Variants in CTNNA3 observed in about 807,000 individuals in gnomAD.
CTNNA3 encodes the protein catenin alpha-3.
CTNNA3 carries 76 observed loss-of-function variants against 95.7 expected under a neutral mutation model. The ratio of observed to expected loss-of-function variants is 0.79; its 90% CI spans 0.66 to 0.96. CTNNA3 has a LOEUF of 0.96. Ranked by LOEUF, CTNNA3 falls within the 40% of genes least tolerant of loss-of-function variation. The pLI, the probability that CTNNA3 is intolerant of heterozygous loss-of-function variation, is 0.00. For synonymous variants in CTNNA3, 431 were observed against 374.4 expected (o/e 1.15, Z -1.74); for missense variants, 1,191 against 1,089.8 (o/e 1.09, Z -1.31).
chr10:67,326,949 T>C (rs998837813), intron 5 of CTNNA3, among the ~76,000 whole-genome samples: 2 of 152,228 alleles, frequency 1.3e-5, no homozygotes, highest in African/African-American at 4.8e-5. Context: ...TATTCTTGTC[T>C]GAATGTCTTA....
intron 11 of CTNNA3, among the ~76,000 whole-genome samples, chr10:66,480,529 T>C (rs1399434699): frequency 6.6e-6 from 1 of 152,180 alleles, no homozygotes; most frequent in East Asian, 1.9e-4. Context: ...AACAGAAACT[T>C]AGCCTCTGTG....
At chr10:67,462,160 T>C (rs1847402396) in intron 5 of CTNNA3, among the ~76,000 whole-genome samples, 2 of 152,128 alleles carry the variant, frequency 1.3e-5, no homozygotes, top group African/African-American at 4.8e-5. Context: ...TTCTAGCAGG[T>C]GTTATAAGCA....
intron 1 of CTNNA3, among the ~76,000 whole-genome samples, chr10:67,673,712 C>T (rs1455594329): frequency 6.7e-6 from 1 of 148,522 alleles, no homozygotes; most frequent in African/African-American, 2.5e-5. Flanking sequence ...GGATGAAGCC[C>T]ACTTGATCAA....
intron 3 of CTNNA3, among the ~76,000 whole-genome samples, chr10:67,567,727 C>T (rs892098021): frequency 6.6e-6 from 1 of 152,030 alleles, no homozygotes; most frequent in Admixed American, 6.6e-5. Context: ...TGTATGTTTA[C>T]TGGGAGAGGT....
intron 5 of CTNNA3, among the ~76,000 whole-genome samples, chr10:67,422,273 C>G (rs1486396768): frequency 1.3e-5 from 2 of 151,984 alleles, no homozygotes; most frequent in African/African-American, 4.8e-5. Context: ...TGAGATTATT[C>G]AACACAGTGT....
intron 1 of CTNNA3, among the ~76,000 whole-genome samples, chr10:67,719,760 G>A (rs960908344): frequency 2.6e-5 from 4 of 152,084 alleles, no homozygotes; most frequent in Non-Finnish European, 5.9e-5. Context: ...GTGGTGCTGA[G>A]AAGAATGTAT....
intron 1 of CTNNA3, among the ~76,000 whole-genome samples, chr10:67,737,353 C>T (rs1011589855): frequency 1.3e-4 from 20 of 151,758 alleles, no homozygotes; most frequent in African/African-American, 4.8e-4. Context: ...AAAAGCAGTA[C>T]TAAGGGAGAA....
At chr10:65,976,879 T>A (rs2078217095) in intron 16 of CTNNA3, among the ~76,000 whole-genome samples, 1 of 152,204 alleles carries the variant, frequency 6.6e-6, no homozygotes, top group African/African-American at 2.4e-5. Context: ...TAATTCCTTA[T>A]CAGATCTATG....
At chr10:67,426,796 A>G (rs111482171) in intron 5 of CTNNA3, among the ~76,000 whole-genome samples, 27 of 152,048 alleles carry the variant, frequency 1.8e-4, no homozygotes, top group African/African-American at 6.3e-4. Context: ...CCTAGAACTT[A>G]AAGTATAATT....
intron 13 of CTNNA3, among the ~76,000 whole-genome samples, chr10:66,226,797 A>AT (rs144754914): frequency 0.034 from 5,220 of 151,684 alleles, 287 homozygotes; most frequent in African/African-American, 0.12. Flanking sequence ...ATTCTTAGGT[A>AT]TTTTTTTATT....
chr10:67,217,501 G>A (rs1017911376), intron 6 of CTNNA3, among the ~76,000 whole-genome samples: 4 of 152,036 alleles, frequency 2.6e-5, no homozygotes, highest in Admixed American at 1.3e-4. Context: ...ACCCCTTCCC[G>A]CCTCATGAAG....
chr10:66,624,324 G>A (rs948597319), intron 9 of CTNNA3, among the ~76,000 whole-genome samples: 7 of 152,110 alleles, frequency 4.6e-5, no homozygotes, highest in Non-Finnish European at 8.8e-5. Flanking sequence ...AATGTATGGG[G>A]AGAGTCTGAA....
chr10:66,114,585 A>AAT (rs888919398), intron 13 of CTNNA3, among the ~76,000 whole-genome samples: 24 of 151,662 alleles, frequency 1.6e-4, no homozygotes, highest in African/African-American at 4.3e-4. Flanking sequence ...TAAAATGAAA[A>AAT]ATATATATAT....
chr10:66,040,593 G>A (rs1303109701), intron 15 of CTNNA3, among the ~76,000 whole-genome samples: 1 of 151,990 alleles, frequency 6.6e-6, no homozygotes, highest in Non-Finnish European at 1.5e-5. Context: ...GATGGGGCTA[G>A]AGGCCATTAT....
At chr10:67,221,114 C>T (rs1864631591) in intron 5 of CTNNA3, among the ~76,000 whole-genome samples, 1 of 152,064 alleles carries the variant, frequency 6.6e-6, no homozygotes, top group Admixed American at 6.6e-5. Context: ...AAAAAACATT[C>T]ATGAAAAACT....
At chr10:66,889,528 T>C (rs888909175) in intron 7 of CTNNA3, among the ~76,000 whole-genome samples, 18 of 152,168 alleles carry the variant, frequency 1.2e-4, no homozygotes, top group Admixed American at 3.3e-4. Flanking sequence ...TTATAATTAA[T>C]CTAAAAAATA....
At chr10:67,529,794 T>G (rs965848426) in intron 4 of CTNNA3, among the ~76,000 whole-genome samples, 22 of 152,134 alleles carry the variant, frequency 1.4e-4, no homozygotes, top group Non-Finnish European at 3.2e-4. Context: ...TAATTTCTCC[T>G]CTTATATCTT....
intron 7 of CTNNA3, among the ~76,000 whole-genome samples, chr10:67,166,911 A>C (rs1861792047): frequency 6.6e-6 from 1 of 152,174 alleles, no homozygotes; most frequent in Non-Finnish European, 1.5e-5. Flanking sequence ...GTTCAAGACC[A>C]GCCTGGCCAA....
At position 67,723,178 on chromosome 10, in the gene CTNNA3, G is replaced by C. The variant is rs142580541; in HGVS notation, c.-2+40256C>G. Among the ~76,000 whole-genome samples the C allele has an allele frequency of 1.0e-3, 154 of 151,858 alleles. 2 individuals are homozygous for C. In the East Asian group the frequency reaches 0.029, roughly 29 times the overall value. Reference sequence around the variant, plus strand: ...ATTTTTGTATTTTTAGTTGAGATGGGGTTTTGCCATATTGGCCAGGCTGGT... The same window carrying C: ...ATTTTTGTATTTTTAGTTGAGATGGCGTTTTGCCATATTGGCCAGGCTGGT... On this transcript the variant is annotated intron_variant, in intron 1 of 17. Transcript: ENST00000684154.
Sources: allele counts gnomAD v4.1 joint callset (sites outside exome capture counted in the v4.1 genomes callset), GRCh38; gene constraint gnomAD v4.1.1; transcripts MANE v1.5; gene names NCBI Gene and HGNC (gene_info 2026-07-23, HGNC 2026-07-21).